Variants in CDH2 observed in about 807,000 individuals in gnomAD.
CDH2 encodes cadherin-2.
CDH2 carries 17 observed loss-of-function variants against 92.0 expected under a neutral mutation model. The observed-to-expected ratio is 0.18, with a 90% CI of 0.13 to 0.28. The LOEUF (loss-of-function observed/expected upper bound fraction) is 0.28. CDH2 is among the 10% of genes least tolerant of loss of function. The probability of loss-of-function intolerance (pLI) is 1.00; values close to 1 mark genes in which losing one functional copy is unlikely to be tolerated. For synonymous variants in CDH2, 419 were observed against 415.9 expected (o/e 1.01, Z -0.09); for missense variants, 862 against 1,133.1 (o/e 0.76, Z 3.44).
At chr18:27,982,235 T>A (rs1018618505) in intron 14 of CDH2, among the ~76,000 whole-genome samples, 2 of 152,206 alleles carry the variant, frequency 1.3e-5, no homozygotes, top group African/African-American at 4.8e-5. Context: ...ATTGAAAATG[T>A]TGCTTCAGAG....
chr18:28,002,972 C>T, intron 7 of CDH2, 25 bp downstream of exon 7: 1 of 1,606,384 alleles, frequency 6.2e-7, no homozygotes, highest in Non-Finnish European at 8.5e-7. Context: ...AAAACAAACA[C>T]AAATAGAGTT....
At chr18:27,958,901 T>C (rs1199138621) in intron 15 of CDH2, among the ~76,000 whole-genome samples, 1 of 152,184 alleles carries the variant, frequency 6.6e-6, no homozygotes, top group African/African-American at 2.4e-5. Context: ...TGAAGAAGAA[T>C]GTGTTTGCCT....
rs181126179 is a variant in CDH2 at position 27,983,501 on chromosome 18, T to C, written c.2210-418A>G. Among the ~76,000 whole-genome samples the C allele has an allele frequency of 5.9e-5, 9 of 152,274 alleles. No homozygotes were observed. The East Asian group carries it at 1.5e-3, about 26-fold the overall frequency. On this transcript the variant is annotated intron_variant, in intron 13 of 15. Coordinates refer to ENST00000269141, the MANE Select transcript of CDH2 (RefSeq NM_001792.5). ...TGTTATTTCGGTTGGTCAGTCATCA[T>C]TACACTCCGAAATTCACAGAAGAAA...
intron 2 of CDH2, among the ~76,000 whole-genome samples, chr18:28,034,908 T>C (rs570057759): frequency 1.2e-4 from 19 of 152,170 alleles, no homozygotes; most frequent in African/African-American, 4.3e-4. Context: ...CAAATGGTAA[T>C]GGGAAAACTC....
At chr18:28,028,088 G>T (rs1261887215) in intron 2 of CDH2, among the ~76,000 whole-genome samples, 1 of 151,752 alleles carries the variant, frequency 6.6e-6, no homozygotes, top group African/African-American at 2.4e-5. Context: ...GAAAGAAAAA[G>T]AAGAGTTTCA....
At chr18:28,141,945 T>A (rs1017914145) in intron 2 of CDH2, among the ~76,000 whole-genome samples, 1 of 151,586 alleles carries the variant, frequency 6.6e-6, no homozygotes, top group Non-Finnish European at 1.5e-5. Flanking sequence ...TCTTACTCAA[T>A]GGTATCCTAT....
chr18:28,138,035 T>A (rs1469827385), intron 2 of CDH2, among the ~76,000 whole-genome samples: 2 of 151,988 alleles, frequency 1.3e-5, no homozygotes, highest in Non-Finnish European at 1.5e-5. Flanking sequence ...TGTGTGTGTG[T>A]CTGGATGTGT....
chr18:27,998,459 T>C (rs1484018544), intron 7 of CDH2, among the ~76,000 whole-genome samples: 1 of 152,066 alleles, frequency 6.6e-6, no homozygotes, highest in Non-Finnish European at 1.5e-5. Flanking sequence ...TGAACTCAGG[T>C]ATGGTCAAGA....
In CDH2 at chr18:28,031,765, C is replaced by T. The variant is rs1426417742; in HGVS notation, c.173-17856G>A. Among the ~76,000 whole-genome samples the T allele has an allele frequency of 3.3e-5, 5 of 152,176 alleles. No individual in the cohort carries two copies. The East Asian group carries it at 9.7e-4, about 29-fold the overall frequency. Reference sequence around the variant, plus strand: ...TCCATGTTAAAAATAAGAGATTAGGCTCATTTTTGTCTTTTATAGATTTCA... The same window carrying T: ...TCCATGTTAAAAATAAGAGATTAGGTTCATTTTTGTCTTTTATAGATTTCA... On this transcript the variant is annotated intron_variant, in intron 2 of 15. Coordinates refer to ENST00000269141, the MANE Select transcript of CDH2 (RefSeq NM_001792.5).
chr18:28,054,295 ATAGT>A (rs1346395859), intron 2 of CDH2, among the ~76,000 whole-genome samples: 1 of 152,278 alleles, frequency 6.6e-6, no homozygotes, highest in East Asian at 1.9e-4. Context: ...CTTACCAAAA[ATAGT>A]TAGACTGGCC....
At chr18:28,028,390 A>T (rs1364357492) in intron 2 of CDH2, among the ~76,000 whole-genome samples, 4 of 152,164 alleles carry the variant, frequency 2.6e-5, no homozygotes, top group Admixed American at 2.6e-4. Flanking sequence ...CCCCACTGGT[A>T]TGATGTGATA....
chr18:28,108,923 A>T (rs2015366162), intron 2 of CDH2, among the ~76,000 whole-genome samples: 1 of 152,138 alleles, frequency 6.6e-6, no homozygotes, highest in Non-Finnish European at 1.5e-5. Context: ...TGAAAGGCAG[A>T]ATCATAAAAC....
At chr18:28,106,473 G>GTTTT (rs34443556) in intron 2 of CDH2, among the ~76,000 whole-genome samples, 4 of 146,778 alleles carry the variant, frequency 2.7e-5, no homozygotes, top group Admixed American at 6.8e-5. Context: ...ACTTACCAGA[G>GTTTT]TTTTTTTTTT....
At chr18:27,965,774 G>C (rs2011518476) in intron 14 of CDH2, among the ~76,000 whole-genome samples, 1 of 151,980 alleles carries the variant, frequency 6.6e-6, no homozygotes, top group Admixed American at 6.5e-5. Context: ...CATAAGGTCA[G>C]GAGTTCAAGA....
At chr18:28,152,801 G>T (rs757616649) in intron 1 of CDH2, among the ~76,000 whole-genome samples, 2 of 152,170 alleles carry the variant, frequency 1.3e-5, no homozygotes, top group East Asian at 3.9e-4. Context: ...GGGATGACAA[G>T]TGACAACTGG....
intron 2 of CDH2, among the ~76,000 whole-genome samples, chr18:28,018,846 A>G (rs2013326747): frequency 6.6e-6 from 1 of 151,020 alleles, no homozygotes; most frequent in South Asian, 2.1e-4. Context: ...AGAAGTCATT[A>G]TATGAAAAAG....
intron 2 of CDH2, among the ~76,000 whole-genome samples, chr18:28,134,966 C>T (rs2015837097): frequency 6.6e-6 from 1 of 152,104 alleles, no homozygotes; most frequent in Admixed American, 6.5e-5. Flanking sequence ...TTCTGAGAAG[C>T]ACTGACATCA....
chr18:28,025,814 G>T (rs1200458873), intron 2 of CDH2, among the ~76,000 whole-genome samples: 1 of 151,848 alleles, frequency 6.6e-6, no homozygotes, highest in Non-Finnish European at 1.5e-5. Context: ...ATATTTAGTA[G>T]TGCATATACG....
chr18:28,118,407 A>C (rs928600953), intron 2 of CDH2, among the ~76,000 whole-genome samples: 18 of 152,162 alleles, frequency 1.2e-4, no homozygotes, highest in Non-Finnish European at 2.4e-4. Flanking sequence ...AATGCAATTA[A>C]ATAATCAAAG....
Sources: gnomAD v4.1 joint callset for allele counts (sites outside exome capture counted in the v4.1 genomes callset) on GRCh38, gnomAD v4.1.1 for gene constraint, MANE v1.5 for transcripts, NCBI Gene and HGNC (gene_info 2026-07-23, HGNC 2026-07-21) for gene names.